NBPF10: variants seen among roughly 807,000 people sequenced by gnomAD.
NBPF10 encodes NBPF family member NBPF10.
Under a neutral mutation model 77.9 loss-of-function variants are expected in NBPF10, and 63 were observed. That is an observed-to-expected ratio of 0.81 (90% CI 0.66 to 1.00). The LOEUF is 1.00. NBPF10 is among the 50% of genes least tolerant of loss of function. The probability of loss-of-function intolerance (pLI) is 0.00; values close to 1 mark genes in which losing one functional copy is unlikely to be tolerated. For synonymous variants in NBPF10, 146 were observed against 264.5 expected, an observed-to-expected ratio of 0.55 and a Z score of 4.35; for missense variants, 522 against 679.8, an observed-to-expected ratio of 0.77 and a Z score of 2.58.
At chr1:146,073,533 T>C in exon 81 of NBPF10, 1 of 99,408 alleles carries the variant, frequency 1.0e-5, no homozygotes, top group Non-Finnish European at 2.0e-5. Context: ...TTCTTCCACT[T>C]CTTGGTACTT....
chr1:146,126,325 C>G lies in NBPF10; in HGVS notation c.1937G>C (p.Cys646Ser), dbSNP rs184819447. 1.1e-5 allele frequency: 14 copies of G among 1,310,866 alleles called. No individual in the cohort carries two copies. In the South Asian group the frequency reaches 1.3e-4, roughly 12 times the overall value. 81.2% of individuals were successfully genotyped at this position (1,310,866 alleles called of 1,614,324 possible). A position where few individuals can be genotyped will look rare whatever the true frequency, so the allele number is the denominator to read the frequency against. Residue 646 changes from cysteine (C) to serine (S), a missense_variant, in exon 14 of 90, where the codon TGT becomes TCT. Transcript: ENST00000583866. Reference sequence around the variant, plus strand: ...CTGGCATGAGTCAGTCAGTTCAAGACAACCTGAAGGAGTTGAATAACATCT... The same window carrying G: ...CTGGCATGAGTCAGTCAGTTCAAGAGAACCTGAAGGAGTTGAATAACATCT...
chr1:146,064,721 T>C (rs1175857541), exon 90 of NBPF10: 1 of 93,082 alleles, frequency 1.1e-5, no homozygotes, highest in Non-Finnish European at 2.1e-5. Flanking sequence ...TTTTTATTAA[T>C]TCGCATCAGT....
intron 5 of NBPF10, among the ~76,000 whole-genome samples, chr1:146,139,086 G>A (rs1309852106): frequency 1.6e-5 from 2 of 121,278 alleles, no homozygotes; most frequent in Non-Finnish European, 3.7e-5. Flanking sequence ...CCTGGTCAGA[G>A]ACTTACTTTT....
rs782307098 is a variant in NBPF10, at chr1:146,068,087, C to T, written c.10951G>A (p.Glu3651Lys). Residue 3651 changes from glutamate (E) to lysine (K), a missense_variant, in exon 88 of 90, where the codon GAA becomes AAA. By Grantham distance (56) the Glu-to-Lys change is moderately conservative. This residue lies in a region of NBPF10 where 183 missense variants were observed against 96.6 expected (regional missense o/e 1.89). Coordinates refer to ENST00000583866, the Ensembl canonical transcript of NBPF10. Reference sequence around the variant, plus strand: ...TAGGGCTGGCCTAAGTCAGGCAGTTCAAGATAACCTGAAGGAGTCGAATAA... The same window carrying T: ...TAGGGCTGGCCTAAGTCAGGCAGTTTAAGATAACCTGAAGGAGTCGAATAA... 1.9e-5 allele frequency: 10 copies of T among 531,544 alleles called. No homozygotes were observed. In the South Asian group the frequency reaches 1.9e-4, roughly 10 times the overall value. 32.9% of individuals were successfully genotyped at this position (531,544 alleles called of 1,614,324 possible).
chr1:146,135,933 G>C (rs1364048770), intron 7 of NBPF10, among the ~76,000 whole-genome samples: 1 of 149,032 alleles, frequency 6.7e-6, no homozygotes, highest in Non-Finnish European at 1.5e-5. Context: ...TTGAAAAGAT[G>C]AAAGAAGAAA....
chr1:146,126,265 T>G lies in NBPF10; in HGVS notation c.1997A>C (p.Gln666Pro), dbSNP rs782324086. 3 of 1,608,464 alleles carry G rather than the reference T, an allele frequency of 1.9e-6. No individual in the cohort carries two copies. In the African/African-American group the frequency reaches 4.0e-5, roughly 22 times the overall value. Residue 666 changes from glutamine to proline, a missense_variant, in exon 14 of 90, where the codon CAG becomes CCG. By Grantham distance (76) the Gln-to-Pro change is moderately conservative. Coordinates refer to ENST00000583866, the Ensembl canonical transcript of NBPF10. ...CATGTCAATAGCCAAGCCAACACGCTGTTGCTCCAATATGTAAAAGGCACT... is the reference window on the plus strand; with the variant it reads ...CATGTCAATAGCCAAGCCAACACGCGGTTGCTCCAATATGTAAAAGGCACT...
exon 88 of NBPF10, chr1:146,068,155 T>C: frequency 4.3e-6 from 2 of 465,708 alleles, no homozygotes; most frequent in East Asian, 3.5e-5. Flanking sequence ...CTCTTTCTCA[T>C]CCAGCAGCTC....
chr1:146,084,474 AG>A, intron 67 of NBPF10, 43 bp downstream of exon 67: 1 of 78,258 alleles, frequency 1.3e-5, no homozygotes, highest in Non-Finnish European at 3.6e-5. Context: ...TGTTGCCTCC[AG>A]GTGTTAACAC....
chr1:146,126,472 A>C, intron 13 of NBPF10, 64 bp from the exon 14 acceptor site: 1 of 763,512 alleles, frequency 1.3e-6, no homozygotes, highest in East Asian at 2.5e-5. Context: ...AGCCCCAGCT[A>C]GATTTCATGG....
At chr1:146,126,285 G>A (rs782339644) in exon 14 of NBPF10, 1 of 1,605,696 alleles carries the variant, frequency 6.2e-7, no homozygotes, top group East Asian at 2.2e-5. Context: ...ATATGTAAAA[G>A]GCACTTCTGT....
intron 13 of NBPF10, 42 bp from the exon 14 acceptor site, chr1:146,126,450 C>G (rs781857730): frequency 2.4e-6 from 2 of 822,914 alleles, no homozygotes; most frequent in South Asian, 2.7e-5. Context: ...CAGGGGGAAT[C>G]AGAAACCACA....
Position 146,130,014 on chromosome 1 carries a change from T to C in NBPF10, c.1638-1732A>G, listed in dbSNP as rs1488144523. ...TGTGCTTCACCCATTAACTCATCAT[T>C]TAACATTAGGTATATCTCCTAATGC... On this transcript the variant is annotated intron_variant, in intron 11 of 89. Transcript: ENST00000583866. Among the ~76,000 whole-genome samples the C allele has an allele frequency of 1.3e-4, 8 of 63,656 alleles. 1 individual carries two copies. Among genetic ancestry groups the C allele is most frequent in the South Asian group, 9.1e-4 (2 of 2,188 alleles). 41.8% of individuals were successfully genotyped at this position (63,656 alleles called of 152,430 possible). A position where few individuals can be genotyped will look rare whatever the true frequency, so the allele number is the denominator to read the frequency against.
In NBPF10 at chr1:146,126,942, T is replaced by G. The variant is rs1211656331; in HGVS notation, c.1853+86A>C. ...AGACTTGTCTGACAAGACAAAATCATTATTTTCAGGATGTACTGTTTTCCC... is the reference window on the plus strand; with the variant it reads ...AGACTTGTCTGACAAGACAAAATCAGTATTTTCAGGATGTACTGTTTTCCC... On this transcript the variant is annotated intron_variant, in intron 13 of 89. Transcript: ENST00000583866. The G allele has an allele frequency of 1.8e-5, 9 of 506,924 alleles. 1 individual carries two copies. Among genetic ancestry groups the G allele is most frequent in the Non-Finnish European group, 3.1e-5 (9 of 292,556 alleles). The allele number at this position is 506,924 out of a possible 1,614,324, so 31.4% of individuals were successfully genotyped here.
At chr1:146,073,931 A>T (rs1224303511) in intron 80 of NBPF10, among the ~76,000 whole-genome samples, 3 of 89,312 alleles carry the variant, frequency 3.4e-5, no homozygotes, top group Non-Finnish European at 6.0e-5. Flanking sequence ...AGGATTTGAG[A>T]CGCTGAAATT....
chr1:146,136,731 C>T, intron 6 of NBPF10, among the ~76,000 whole-genome samples: 1 of 144,552 alleles, frequency 6.9e-6, no homozygotes, highest in African/African-American at 2.8e-5. Context: ...TTCACAGTCC[C>T]TGAGGTCTGA....
exon 3 of NBPF10, chr1:146,141,688 C>T: frequency 1.6e-6 from 2 of 1,244,182 alleles, no homozygotes; most frequent in Non-Finnish European, 2.2e-6. Context: ...TGGGACTTGT[C>T]CGGCTCATCC....
chr1:146,072,830 G>C, exon 82 of NBPF10: 1 of 130,136 alleles, frequency 7.7e-6, no homozygotes, highest in South Asian at 3.5e-5. Context: ...ACCTGAAGGA[G>C]TCGAATAACA....
chr1:146,126,679 G>C (rs1424139509), intron 13 of NBPF10, among the ~76,000 whole-genome samples: 1 of 145,838 alleles, frequency 6.9e-6, no homozygotes, highest in Non-Finnish European at 1.5e-5. Flanking sequence ...TGATGAGGGA[G>C]TCAAAGGACA....
chr1:146,126,329 C>G (rs587757195), exon 14 of NBPF10: 28 of 1,294,972 alleles, frequency 2.2e-5, no homozygotes, highest in East Asian at 1.6e-4. Flanking sequence ...TCAAGACAAC[C>G]TGAAGGAGTT....
Sources: allele counts gnomAD v4.1 joint callset (sites outside exome capture counted in the v4.1 genomes callset), GRCh38; gene constraint gnomAD v4.1.1; regional missense constraint gnomAD v4.1.1; transcripts MANE v1.5; gene names NCBI Gene and HGNC (gene_info 2026-07-23, HGNC 2026-07-21).